SGCZ: variants seen among roughly 807,000 people sequenced by gnomAD.
SGCZ encodes zeta-sarcoglycan.
In SGCZ, 40 loss-of-function variants were observed where a neutral mutation model predicts 41.3. The ratio of observed to expected loss-of-function variants is 0.97; its 90% CI spans 0.75 to 1.26. SGCZ has a LOEUF of 1.26. Among genes scored for constraint, SGCZ ranks in the 50% most tolerant of loss-of-function variants. SGCZ has a pLI of 0.00. For missense variants in SGCZ, 552 were observed against 369.8 expected (o/e 1.49, Z -4.04); for synonymous variants, 206 against 137.5 (o/e 1.50, Z -3.49).
intron 2 of SGCZ, among the ~76,000 whole-genome samples, chr8:14,470,725 G>T (rs552170775): frequency 5.9e-5 from 9 of 152,160 alleles, no homozygotes; most frequent in African/African-American, 1.9e-4. Flanking sequence ...AATACATAAA[G>T]GTATGTATAA....
chr8:14,377,108 G>A (rs1415020121), intron 2 of SGCZ, among the ~76,000 whole-genome samples: 1 of 152,166 alleles, frequency 6.6e-6, no homozygotes, highest in African/African-American at 2.4e-5. Context: ...CGGGTTGCAA[G>A]AAGAACGAAC....
chr8:15,013,969 G>A (rs1042750799), intron 1 of SGCZ, among the ~76,000 whole-genome samples: 3 of 152,082 alleles, frequency 2.0e-5, no homozygotes, highest in Admixed American at 1.3e-4. Flanking sequence ...TGGGATAAAC[G>A]GAAGAAAAAC....
At chr8:14,659,382 A>G (rs576892204) in intron 1 of SGCZ, among the ~76,000 whole-genome samples, 29 of 152,314 alleles carry the variant, frequency 1.9e-4, no homozygotes, top group African/African-American at 6.7e-4. Flanking sequence ...TATCAATTAT[A>G]ATGTAAAAAT....
intron 1 of SGCZ, among the ~76,000 whole-genome samples, chr8:15,203,247 G>A (rs1439405233): frequency 6.6e-6 from 1 of 152,014 alleles, no homozygotes; most frequent in Non-Finnish European, 1.5e-5. Context: ...CTTATTGTAA[G>A]TAAATTTAAA....
At chr8:14,544,009 T>C (rs1239613131) in intron 2 of SGCZ, among the ~76,000 whole-genome samples, 1 of 152,060 alleles carries the variant, frequency 6.6e-6, no homozygotes, top group Non-Finnish European at 1.5e-5. Flanking sequence ...TCAGCAGATG[T>C]AAGGAGCCCC....
chr8:14,297,538 C>G (rs1801056299), intron 3 of SGCZ, among the ~76,000 whole-genome samples: 1 of 151,080 alleles, frequency 6.6e-6, no homozygotes, highest in Non-Finnish European at 1.5e-5. Flanking sequence ...AAGAGAAAAC[C>G]AAAATTACCG....
intron 1 of SGCZ, among the ~76,000 whole-genome samples, chr8:14,787,824 C>G (rs1394585419): frequency 1.3e-5 from 2 of 151,626 alleles, no homozygotes; most frequent in East Asian, 3.9e-4. Flanking sequence ...CCAGCCTGGA[C>G]AACAACAGTG....
chr8:14,740,541 A>G (rs1389254752), intron 1 of SGCZ, among the ~76,000 whole-genome samples: 1 of 152,036 alleles, frequency 6.6e-6, no homozygotes, highest in Non-Finnish European at 1.5e-5. Context: ...AATGTCCACT[A>G]ATGATGTCCC....
chr8:14,301,437 C>T (rs550209579), intron 3 of SGCZ, among the ~76,000 whole-genome samples: 2 of 151,920 alleles, frequency 1.3e-5, no homozygotes, highest in African/African-American at 4.8e-5. Flanking sequence ...AACATGATAC[C>T]TGTTTTACAC....
chr8:14,637,553 T>C (rs887540334), intron 1 of SGCZ, among the ~76,000 whole-genome samples: 17 of 151,120 alleles, frequency 1.1e-4, no homozygotes, highest in African/African-American at 3.4e-4. Flanking sequence ...CTCCCACTTA[T>C]AAGTGAGAAC....
At chr8:14,640,145 G>T (rs1400312296) in intron 1 of SGCZ, among the ~76,000 whole-genome samples, 1 of 151,570 alleles carries the variant, frequency 6.6e-6, no homozygotes, top group African/African-American at 2.4e-5. Flanking sequence ...TTTAAGGCAA[G>T]ATATTAAGAA....
chr8:14,537,529 C>T (rs963361336), intron 2 of SGCZ, among the ~76,000 whole-genome samples: 1 of 151,394 alleles, frequency 6.6e-6, no homozygotes, highest in Non-Finnish European at 1.5e-5. Flanking sequence ...ACCCTAGTAT[C>T]TGACTTTCTT....
chr8:14,995,615 A>G (rs1201463162), intron 1 of SGCZ, among the ~76,000 whole-genome samples: 4 of 152,166 alleles, frequency 2.6e-5, no homozygotes, highest in Non-Finnish European at 4.4e-5. Flanking sequence ...AGGGAATGCA[A>G]TGACCATTCA....
chr8:14,137,351 C>T (rs2169698), intron 5 of SGCZ, among the ~76,000 whole-genome samples: 25,973 of 152,222 alleles, frequency 0.17, 2,992 homozygotes, highest in East Asian at 0.61. Context: ...CAGAAGTAGG[C>T]TTCAGAAGAT....
At chr8:14,671,299 A>C (rs1336098540) in intron 1 of SGCZ, among the ~76,000 whole-genome samples, 1 of 152,146 alleles carries the variant, frequency 6.6e-6, no homozygotes, top group African/African-American at 2.4e-5. Context: ...GCATTTCATA[A>C]TTGGGCTTCA....
In SGCZ at chr8:14,735,958, C is replaced by T. The variant is rs1799016909; in HGVS notation, c.40-181032G>A. ...CAAAGACACCAAGATAAAAGTCTAC[C>T]AAATATTAAGAAAATTTTGATAAGT... On this transcript the variant is annotated intron_variant, in intron 1 of 7. Transcript: ENST00000382080. 4.0e-5 allele frequency among the ~76,000 whole-genome samples: 6 copies of T among 151,794 alleles called. 1 individual carries two copies. Among genetic ancestry groups the T allele is most frequent in the Admixed American group, 2.0e-4 (3 of 15,218 alleles).
chr8:14,941,279 T>C (rs947734762), intron 1 of SGCZ, among the ~76,000 whole-genome samples: 1 of 152,108 alleles, frequency 6.6e-6, no homozygotes. Context: ...AAAGCAGTAG[T>C]GTCAAAGCAT....
rs1801509411 is a variant in SGCZ, at chr8:14,085,858, C to T, written c.*4585G>A. Among the ~76,000 whole-genome samples, 1 of 151,738 alleles carries T rather than the reference C, an allele frequency of 6.6e-6. No individual in the cohort carries two copies. The highest frequency in any genetic ancestry group is 2.4e-5 in the African/African-American group (1 of 41,400). ...TGTTATAATTATAAGCCCCCCTATT[C>T]ATTTGAATAAATTAGTAGGAGCAGC... On this transcript the variant is annotated 3_prime_UTR_variant, in exon 8 of 8. Transcript: ENST00000382080.
chr8:15,204,838 A>G (rs1801008970), intron 1 of SGCZ, among the ~76,000 whole-genome samples: 1 of 152,182 alleles, frequency 6.6e-6, no homozygotes, highest in Non-Finnish European at 1.5e-5. Context: ...CTGTCCCAAG[A>G]GAGGGGAACT....
Sources: gnomAD v4.1 joint callset for allele counts (sites outside exome capture counted in the v4.1 genomes callset) on GRCh38, gnomAD v4.1.1 for gene constraint, MANE v1.5 for transcripts, NCBI Gene and HGNC (gene_info 2026-07-23, HGNC 2026-07-21) for gene names.